HSPA12A: variants seen among roughly 807,000 people sequenced by gnomAD.
HSPA12A encodes the protein heat shock 70 kDa protein 12A.
Under a neutral mutation model 69.2 loss-of-function variants are expected in HSPA12A, and 28 were observed. That is an observed-to-expected ratio of 0.40 (90% CI 0.30 to 0.55). The LOEUF (loss-of-function observed/expected upper bound fraction) is 0.55, where lower values mean the gene tolerates loss of function less well. Ranked by LOEUF, HSPA12A falls within the 20% of genes least tolerant of loss-of-function variation. The pLI is 0.38. For missense variants in HSPA12A, 686 were observed against 900.7 expected, an observed-to-expected ratio of 0.76 and a Z score of 3.05; for synonymous variants, 345 against 370.5, an observed-to-expected ratio of 0.93 and a Z score of 0.79.
At chr10:116,850,023 T>G, upstream of HSPA12A, 1 of 568,720 alleles carries the variant, frequency 1.8e-6, no homozygotes, top group Non-Finnish European at 3.2e-6. Context: ...CCTCGCTGCC[T>G]AAGAGGCCTC....
chr10:116,694,358 GCTC>G (rs1366832606), intron 5 of HSPA12A, among the ~76,000 whole-genome samples: 1 of 152,126 alleles, frequency 6.6e-6, no homozygotes, highest in Non-Finnish European at 1.5e-5. Flanking sequence ...GCAAGGTCTA[GCTC>G]CTCCTATACA....
intron 2 of HSPA12A, among the ~76,000 whole-genome samples, chr10:116,790,817 A>G (rs1844687473): frequency 2.0e-5 from 3 of 152,078 alleles, no homozygotes; most frequent in Non-Finnish European, 1.5e-5. Flanking sequence ...CAGCCTCCCA[A>G]GTAGCTGGAA....
intron 2 of HSPA12A, among the ~76,000 whole-genome samples, chr10:116,772,933 C>T (rs535378714): frequency 2.0e-5 from 3 of 151,966 alleles, no homozygotes; most frequent in Admixed American, 6.5e-5. Flanking sequence ...AACTCCTAGT[C>T]TCAAGCAATT....
intron 3 of HSPA12A, 132 bp downstream of exon 3, chr10:116,705,019 G>A: frequency 1.9e-6 from 2 of 1,072,564 alleles, no homozygotes; most frequent in Non-Finnish European, 2.7e-6. Flanking sequence ...CAGTGGCATG[G>A]TGAGCTTGAG....
At chr10:116,734,082 C>A (rs1851239537) in intron 1 of HSPA12A, among the ~76,000 whole-genome samples, 1 of 152,168 alleles carries the variant, frequency 6.6e-6, no homozygotes, top group Non-Finnish European at 1.5e-5. Flanking sequence ...AGTAACGGAG[C>A]ACTCACTTCT....
At chr10:116,706,940 G>A (rs1311726086) in intron 2 of HSPA12A, among the ~76,000 whole-genome samples, 1 of 152,090 alleles carries the variant, frequency 6.6e-6, no homozygotes, top group Admixed American at 6.6e-5. Flanking sequence ...GACCCACCCA[G>A]GCCCCTGCTC....
intron 2 of HSPA12A, among the ~76,000 whole-genome samples, chr10:116,763,772 T>C (rs1844021949): frequency 2.0e-5 from 3 of 152,234 alleles, no homozygotes; most frequent in Non-Finnish European, 2.9e-5. Context: ...GAAAAGATCA[T>C]CTGAGGTTTC....
chr10:116,719,994 T>C (rs1196843984), intron 1 of HSPA12A, among the ~76,000 whole-genome samples: 4 of 151,900 alleles, frequency 2.6e-5, no homozygotes, highest in African/African-American at 9.7e-5. Flanking sequence ...ACCTAGGGAG[T>C]AAGTGCTAAT....
intron 2 of HSPA12A, among the ~76,000 whole-genome samples, chr10:116,826,997 G>A (rs755832237): frequency 2.4e-4 from 37 of 152,138 alleles, no homozygotes; most frequent in Non-Finnish European, 8.8e-5. Context: ...TAAGTGGCAA[G>A]CCCGATTCAG....
chr10:116,708,759 A>G (rs1298264687), intron 1 of HSPA12A, among the ~76,000 whole-genome samples: 1 of 152,208 alleles, frequency 6.6e-6, no homozygotes, highest in Non-Finnish European at 1.5e-5. Context: ...AAGAAAATAC[A>G]CAAAAGATAT....
intron 2 of HSPA12A, chr10:116,834,916 A>C: frequency 8.3e-7 from 1 of 1,210,556 alleles, no homozygotes; most frequent in South Asian, 4.2e-5. Context: ...ATACTTACAC[A>C]CATTAGTTAA....
At chr10:116,786,461 T>A (rs537034025) in intron 2 of HSPA12A, among the ~76,000 whole-genome samples, 2 of 151,926 alleles carry the variant, frequency 1.3e-5, no homozygotes, top group South Asian at 4.2e-4. Flanking sequence ...AAAGATCTAG[T>A]GCTTTTGTCA....
chr10:116,719,231 G>A (rs1320198803), intron 1 of HSPA12A, among the ~76,000 whole-genome samples: 3 of 152,218 alleles, frequency 2.0e-5, no homozygotes, highest in Non-Finnish European at 2.9e-5. Flanking sequence ...AATGAGGAAC[G>A]TGGGAGTGGG....
At chr10:116,777,123 G>A (rs1387019151) in intron 2 of HSPA12A, among the ~76,000 whole-genome samples, 1 of 152,176 alleles carries the variant, frequency 6.6e-6, no homozygotes, top group African/African-American at 2.4e-5. Flanking sequence ...GGGGCGCTGA[G>A]CTGCAGATGC....
intron 2 of HSPA12A, among the ~76,000 whole-genome samples, chr10:116,808,902 G>A (rs536353410): frequency 8.6e-4 from 131 of 152,274 alleles, no homozygotes; most frequent in Non-Finnish European, 1.5e-3. Context: ...ACGACATGGC[G>A]GTGCCACTGA....
At chr10:116,751,631 A>C (rs1422425939) in intron 2 of HSPA12A, among the ~76,000 whole-genome samples, 1 of 152,230 alleles carries the variant, frequency 6.6e-6, no homozygotes, top group Non-Finnish European at 1.5e-5. Context: ...GAAAAACAGT[A>C]ACAGTTGCTA....
chr10:116,683,731 G>C (rs1849487058), intron 7 of HSPA12A, 60 bp downstream of exon 7: 5 of 1,414,942 alleles, frequency 3.5e-6, no homozygotes, highest in Non-Finnish European at 4.7e-6. Context: ...CAGAGGGAGA[G>C]AGACATCCAG....
chr10:116,707,319 T>A (rs377470407), intron 1 of HSPA12A, 34 bp from the exon 2 acceptor site: 1 of 1,508,752 alleles, frequency 6.6e-7, no homozygotes, highest in Non-Finnish European at 9.1e-7. Context: ...TCCTTAGAAG[T>A]GGCATGGACT....
At chr10:116,732,706 A>T (rs79741801) in intron 1 of HSPA12A, among the ~76,000 whole-genome samples, 2,060 of 152,330 alleles carry the variant, frequency 0.014, 26 homozygotes, top group South Asian at 0.04. Context: ...GCATTCTTCA[A>T]ATACTTTTTT....
Sources: gnomAD v4.1 joint callset for allele counts (sites outside exome capture counted in the v4.1 genomes callset) on GRCh38, gnomAD v4.1.1 for gene constraint, MANE v1.5 for transcripts, NCBI Gene and HGNC (gene_info 2026-07-23, HGNC 2026-07-21) for gene names.